The following RASAL2 variants were observed in gnomAD, a reference collection of about 807,000 sequenced individuals.
The protein encoded by RASAL2 is ras GTPase-activating protein nGAP.
In RASAL2, 58 loss-of-function variants were observed where a neutral mutation model predicts 128.9. The observed-to-expected ratio is 0.45, with a 90% confidence interval of 0.36 to 0.56. The LOEUF (loss-of-function observed/expected upper bound fraction) is 0.56, where lower values mean the gene tolerates loss of function less well. Ranked by LOEUF, RASAL2 falls within the 20% of genes least tolerant of loss-of-function variation. The probability of loss-of-function intolerance (pLI) is 0.00; values close to 1 mark genes in which losing one functional copy is unlikely to be tolerated. For missense variants in RASAL2, 1,360 were observed against 1,601.6 expected (o/e 0.85, Z 2.57); for synonymous variants, 561 against 580.8 (o/e 0.97, Z 0.49).
chr1:178,475,634 A>G lies in RASAL2; in HGVS notation c.*2395A>G, dbSNP rs1338929757. The G allele has an allele frequency of 1.3e-5, 2 of 152,360 alleles. No individual in the cohort carries two copies. Among genetic ancestry groups the G allele is most frequent in the South Asian group, 2.1e-4 (1 of 4,830 alleles). The allele number at this position is 152,360 out of a possible 1,614,324, so 9.4% of individuals were successfully genotyped here. A position where few individuals can be genotyped will look rare whatever the true frequency, so the allele number is the denominator to read the frequency against. ...TTACAGAGGGCTGATAAAATTACTT[A>G]TATTGGGAATTGAGAGAAGCCCCAA... On this transcript the variant is annotated 3_prime_UTR_variant, in exon 18 of 18. Transcript: ENST00000367649.
chr1:178,376,634 A>C (rs1171914625), intron 3 of RASAL2, among the ~76,000 whole-genome samples: 3 of 152,080 alleles, frequency 2.0e-5, no homozygotes, highest in African/African-American at 7.2e-5. Flanking sequence ...TACTGTATTA[A>C]TCTTATGCCA....
chr1:178,151,931 T>C (rs1660927797), intron 1 of RASAL2, among the ~76,000 whole-genome samples: 1 of 152,120 alleles, frequency 6.6e-6, no homozygotes, highest in Non-Finnish European at 1.5e-5. Flanking sequence ...TGTAGTAAAT[T>C]TTATGTTTGG....
intron 1 of RASAL2, among the ~76,000 whole-genome samples, chr1:178,138,031 G>T (rs2102323331): frequency 6.6e-6 from 1 of 152,300 alleles, no homozygotes; most frequent in South Asian, 2.1e-4. Flanking sequence ...TTCCTGCTCA[G>T]TGCTTTCCAG....
chr1:178,378,311 G>A (rs1672103339), intron 3 of RASAL2, among the ~76,000 whole-genome samples: 1 of 151,586 alleles, frequency 6.6e-6, no homozygotes, highest in African/African-American at 2.4e-5. Flanking sequence ...AAAATCACTA[G>A]GAAGACATAA....
At chr1:178,114,074 T>C (rs1659439846) in intron 1 of RASAL2, among the ~76,000 whole-genome samples, 1 of 152,140 alleles carries the variant, frequency 6.6e-6, no homozygotes, top group South Asian at 2.1e-4. Flanking sequence ...TTTTTTTTGT[T>C]TTGTTTTGTT....
At position 178,443,081 on chromosome 1, in the gene RASAL2, C is replaced by T. The variant is rs1676781542; in HGVS notation, c.1334C>T (p.Pro445Leu). The change falls in exon 8 of 18, where the codon CCT (proline) becomes CTT (leucine). Residue 445 changes from proline (P) to leucine (L), a missense_variant. This residue lies in a region of RASAL2 where 617 missense variants were observed against 714.2 expected (regional missense o/e 0.86). Transcript: ENST00000367649. ...KSRFQTITIL[P>L]MEQYKEFAEF... ...CGTTTCCAAACTATCACCATTCTGC[C>T]TATGGAGCAATACAAAGAATTTGCA... The T allele has an allele frequency of 6.2e-7, 1 of 1,613,974 alleles. No homozygotes were observed. The highest frequency in any genetic ancestry group is 8.5e-7 in the Non-Finnish European group (1 of 1,179,940).
intron 1 of RASAL2, among the ~76,000 whole-genome samples, chr1:178,165,980 G>T (rs983358973): frequency 6.6e-6 from 1 of 151,914 alleles, no homozygotes; most frequent in Non-Finnish European, 1.5e-5. Context: ...CCCCATCTTT[G>T]TACGTATGTG....
intron 1 of RASAL2, among the ~76,000 whole-genome samples, chr1:178,256,696 CAG>C (rs1488497355): frequency 2.6e-5 from 4 of 152,172 alleles, no homozygotes; most frequent in African/African-American, 9.7e-5. Flanking sequence ...TTGTTTGAGA[CAG>C]AGTCTTGCTC....
At chr1:178,195,706 C>A (rs917423008) in intron 1 of RASAL2, among the ~76,000 whole-genome samples, 1 of 152,072 alleles carries the variant, frequency 6.6e-6, no homozygotes, top group African/African-American at 2.4e-5. Context: ...GAAGATGAAT[C>A]ATTTTTTATG....
At chr1:178,103,577 T>G (rs1156761374) in intron 1 of RASAL2, among the ~76,000 whole-genome samples, 1 of 151,320 alleles carries the variant, frequency 6.6e-6, no homozygotes, top group Admixed American at 6.6e-5. Context: ...TTAATTTAAT[T>G]TTTTTTAATA....
At chr1:178,422,409 A>G (rs1675213473) in intron 5 of RASAL2, among the ~76,000 whole-genome samples, 1 of 152,144 alleles carries the variant, frequency 6.6e-6, no homozygotes, top group African/African-American at 2.4e-5. Context: ...AGCACAATAA[A>G]AAAGTGCTAG....
chr1:178,289,902 A>G (rs1160982655), intron 2 of RASAL2, among the ~76,000 whole-genome samples: 2 of 152,036 alleles, frequency 1.3e-5, no homozygotes, highest in Non-Finnish European at 2.9e-5. Context: ...TGCATGGAAC[A>G]TTCTTCCCTC....
intron 3 of RASAL2, among the ~76,000 whole-genome samples, chr1:178,350,097 C>A (rs1482533857): frequency 1.3e-5 from 2 of 152,210 alleles, no homozygotes; most frequent in Non-Finnish European, 2.9e-5. Context: ...TCTTTCATAT[C>A]ACTTGTTTTA....
chr1:178,389,685 C>G (rs1479754903), intron 3 of RASAL2, among the ~76,000 whole-genome samples: 1 of 152,144 alleles, frequency 6.6e-6, no homozygotes. Flanking sequence ...TGTGCAAACA[C>G]CATCAAATCA....
intron 3 of RASAL2, among the ~76,000 whole-genome samples, chr1:178,304,301 G>C (rs1212823456): frequency 2.0e-5 from 3 of 152,032 alleles, no homozygotes; most frequent in Non-Finnish European, 4.4e-5. Context: ...AAGCTGGAGG[G>C]TCACTTATGT....
intron 1 of RASAL2, among the ~76,000 whole-genome samples, chr1:178,216,148 A>C (rs1196543161): frequency 2.0e-5 from 3 of 152,214 alleles, no homozygotes; most frequent in Non-Finnish European, 2.9e-5. Flanking sequence ...ACAGTTACAG[A>C]ATTTTCTAGT....
At chr1:178,230,272 C>T (rs1663949065) in intron 1 of RASAL2, among the ~76,000 whole-genome samples, 1 of 152,028 alleles carries the variant, frequency 6.6e-6, no homozygotes, top group Non-Finnish European at 1.5e-5. Context: ...CATTTAGGTA[C>T]AAGTATATAT....
chr1:178,460,853 G>A (rs1678147040), intron 14 of RASAL2, among the ~76,000 whole-genome samples: 1 of 151,482 alleles, frequency 6.6e-6, no homozygotes, highest in African/African-American at 2.4e-5. Context: ...TTGCTCTGTC[G>A]CCTAGGCTGG....
At chr1:178,156,822 C>T (rs998514912) in intron 1 of RASAL2, among the ~76,000 whole-genome samples, 3 of 152,134 alleles carry the variant, frequency 2.0e-5, no homozygotes, top group Admixed American at 2.0e-4. Context: ...TTCTTAGGTA[C>T]ATAATACTCA....
Sources: allele counts gnomAD v4.1 joint callset (sites outside exome capture counted in the v4.1 genomes callset), GRCh38; gene constraint gnomAD v4.1.1; regional missense constraint gnomAD v4.1.1; transcripts MANE v1.5; gene names NCBI Gene and HGNC (gene_info 2026-07-23, HGNC 2026-07-21).